SNAP91: variants seen among roughly 807,000 people sequenced by gnomAD.
SNAP91 encodes clathrin coat assembly protein AP180.
In SNAP91, 27 loss-of-function variants were observed where a neutral mutation model predicts 100.3. That is an observed-to-expected ratio of 0.27 (90% CI 0.20 to 0.37). SNAP91 has a LOEUF of 0.37. Ranked by LOEUF, SNAP91 falls within the 10% of genes least tolerant of loss-of-function variation. SNAP91 has a pLI of 1.00. For missense variants in SNAP91, 986 were observed against 1,123.7 expected, an observed-to-expected ratio of 0.88 and a Z score of 1.75; for synonymous variants, 404 against 398.6, an observed-to-expected ratio of 1.01 and a Z score of -0.16.
intron 2 of SNAP91, among the ~76,000 whole-genome samples, chr6:83,684,390 C>A (rs1042598415): frequency 5.3e-5 from 8 of 152,126 alleles, no homozygotes; most frequent in African/African-American, 1.9e-4. Context: ...AAACAAGAAC[C>A]CCCATGCTCT....
intron 26 of SNAP91, among the ~76,000 whole-genome samples, chr6:83,563,604 C>G (rs1204829764): frequency 2.0e-5 from 3 of 152,142 alleles, no homozygotes; most frequent in Admixed American, 2.0e-4. Context: ...ATACAGAAAT[C>G]CCTAAAGAAT....
intron 8 of SNAP91, among the ~76,000 whole-genome samples, chr6:83,630,775 TA>T (rs36034560): frequency 0.67 from 99,214 of 148,256 alleles, 33,585 homozygotes; most frequent in South Asian, 0.82. Flanking sequence ...AATTTTATCT[TA>T]AAAAAAAAAA....
rs564593511 is a variant in SNAP91 at position 83,673,639 on chromosome 6, C to T, written c.131-8058G>A. Among the ~76,000 whole-genome samples the T allele has an allele frequency of 1.1e-4, 17 of 152,266 alleles. No individual in the cohort carries two copies. The South Asian group carries it at 1.5e-3, about 13-fold the overall frequency. ...ATAAATTGTTGCTATCCAGACAATA[C>T]GAAAAAGTGATACAGATGATTCAGA... On this transcript the variant is annotated intron_variant, in intron 2 of 29. Coordinates refer to ENST00000369694, the MANE Select transcript of SNAP91 (RefSeq NM_001242792.2).
Position 83,707,671 on chromosome 6 carries a change from G to C in SNAP91, c.130+127C>G, listed in dbSNP as rs548569803. The C allele has an allele frequency of 7.0e-6, 9 of 1,291,422 alleles. No homozygotes were observed. In the East Asian group the frequency reaches 2.3e-4, roughly 33 times the overall value. The allele number at this position is 1,291,422 out of a possible 1,614,324, so 80.0% of individuals were successfully genotyped here. Reference sequence around the variant, plus strand: ...ACACCTTCACAGCTGAAGAATTTCAGCTCAGGGGCAACCTGGCTGGGAGTA... The same window carrying C: ...ACACCTTCACAGCTGAAGAATTTCACCTCAGGGGCAACCTGGCTGGGAGTA... On this transcript the variant is annotated intron_variant, in intron 2 of 29. Coordinates refer to ENST00000369694, the MANE Select transcript of SNAP91 (RefSeq NM_001242792.2).
chr6:83,707,416 G>C (rs1252872358), intron 2 of SNAP91, among the ~76,000 whole-genome samples: 3 of 149,454 alleles, frequency 2.0e-5, no homozygotes, highest in Non-Finnish European at 4.4e-5. Flanking sequence ...TTTTTTGACT[G>C]TGCAACCTCT....
intron 9 of SNAP91, among the ~76,000 whole-genome samples, chr6:83,617,637 C>A (rs1162188494): frequency 1.3e-5 from 2 of 150,862 alleles, no homozygotes; most frequent in African/African-American, 4.9e-5. Context: ...TAACTTTTAG[C>A]AAATATAATA....
chr6:83,681,451 C>T (rs1250338466), intron 2 of SNAP91, among the ~76,000 whole-genome samples: 1 of 152,162 alleles, frequency 6.6e-6, no homozygotes. Flanking sequence ...CTACATTTCT[C>T]TTCAACTCTT....
At chr6:83,661,403 T>C (rs191675495) in intron 5 of SNAP91, 99 bp downstream of exon 5, 320 of 658,018 alleles carry the variant, frequency 4.9e-4, no homozygotes, top group Middle Eastern at 3.7e-3. Flanking sequence ...AACTGGGCCT[T>C]CAAGAAAATT....
chr6:83,684,267 A>G (rs552849559), intron 2 of SNAP91, among the ~76,000 whole-genome samples: 1 of 152,284 alleles, frequency 6.6e-6, no homozygotes, highest in South Asian at 2.1e-4. Flanking sequence ...CATGCTCTGA[A>G]TTCTATGGTT....
chr6:83,689,044 G>T (rs938397671), intron 2 of SNAP91, among the ~76,000 whole-genome samples: 4 of 152,172 alleles, frequency 2.6e-5, no homozygotes, highest in Admixed American at 2.0e-4. Flanking sequence ...GTGTTGCTTA[G>T]AAGTAGCAAG....
Position 83,560,928 on chromosome 6 carries a change from G to A in SNAP91, c.2462C>T (p.Thr821Ile), listed in dbSNP as rs747720489. Reference protein sequence around the residue: ...SAPLQGAVPPTSSVPPVAGAP... With the variant: ...SAPLQGAVPPISSVPPVAGAP... ...CCCGGCAACAGGAGGAACTGAACTG[G>A]TTGGAGGTACAGCTCCTTGCTACAC... The change falls in exon 27 of 30, where the codon ACC (threonine) becomes ATC (isoleucine). Residue 821 changes from threonine (T) to isoleucine (I), a missense_variant. By Grantham distance (89) the Thr-to-Ile change is moderately conservative (BLOSUM62 -1). This residue lies in a region of SNAP91 where 575 missense variants were observed against 579.9 expected (regional missense o/e 0.99). Coordinates refer to ENST00000369694, the MANE Select transcript of SNAP91 (RefSeq NM_001242792.2). 1 of 1,610,906 alleles carries A rather than the reference G, an allele frequency of 6.2e-7. No homozygotes were observed. Among genetic ancestry groups the A allele is most frequent in the South Asian group, 1.1e-5 (1 of 90,396 alleles).
rs57893971 is a variant in SNAP91 at position 83,628,222 on chromosome 6, C to CATATATATATATATATATATATATATAT, written c.766-4881_766-4880insATATATATATATATATATATATATATAT. On this transcript the variant is annotated intron_variant, in intron 8 of 29. Coordinates refer to ENST00000369694, the MANE Select transcript of SNAP91 (RefSeq NM_001242792.2). ...TATAGCTAAGTAATATTCCATTTTACATATATATATATATATATATATATC... is the reference window on the plus strand; with the variant it reads ...TATAGCTAAGTAATATTCCATTTTACATATATATATATATATATATATATATATATATATATATATATATATATATATC... 4.2e-3 allele frequency among the ~76,000 whole-genome samples: 522 copies of CATATATATATATATATATATATATATAT among 124,410 alleles called. 10 individuals are homozygous for CATATATATATATATATATATATATATAT. The highest frequency in any genetic ancestry group is 0.011 in the East Asian group (38 of 3,374). The allele number at this position is 124,410 out of a possible 152,430, so 81.6% of individuals were successfully genotyped here.
At chr6:83,602,294 G>GA (rs35110483) in intron 14 of SNAP91, among the ~76,000 whole-genome samples, 11 of 151,644 alleles carry the variant, frequency 7.3e-5, no homozygotes, top group East Asian at 1.9e-4. Flanking sequence ...ACACCAACAG[G>GA]AAAAAAAATG....
chr6:83,615,462 A>C (rs1217886200), intron 10 of SNAP91, among the ~76,000 whole-genome samples: 1 of 152,182 alleles, frequency 6.6e-6, no homozygotes, highest in East Asian at 1.9e-4. Flanking sequence ...AATCCTAGGC[A>C]ACTCATTTGG....
rs891887896 is a variant in SNAP91 at position 83,647,136 on chromosome 6, G to A, written c.659-5934C>T. Among the ~76,000 whole-genome samples the A allele has an allele frequency of 1.1e-4, 16 of 151,674 alleles. No homozygotes were observed. The East Asian group carries it at 2.9e-3, about 28-fold the overall frequency. Reference sequence around the variant, plus strand: ...TACAATAGATGGTCATATAATCTGGGAACAAAGAAGTCTTATTGCTCCATC... The same window carrying A: ...TACAATAGATGGTCATATAATCTGGAAACAAAGAAGTCTTATTGCTCCATC... On this transcript the variant is annotated intron_variant, in intron 7 of 29. Coordinates refer to ENST00000369694, the MANE Select transcript of SNAP91 (RefSeq NM_001242792.2).
Position 83,553,707 on chromosome 6 carries a change from T to C in SNAP91, c.*589A>G, listed in dbSNP as rs900305420. 1 of 152,162 alleles carries C rather than the reference T, an allele frequency of 6.6e-6. No homozygotes were observed. The highest frequency in any genetic ancestry group is 6.6e-5 in the Admixed American group (1 of 15,260). 9.4% of individuals were successfully genotyped at this position (152,162 alleles called of 1,614,324 possible). On this transcript the variant is annotated 3_prime_UTR_variant, in exon 30 of 30. Coordinates refer to ENST00000369694, the MANE Select transcript of SNAP91 (RefSeq NM_001242792.2). ...TATGGACGTTAACCTTTATATTTTT[T>C]AAAATAAAATTTCTTAACATATACA...
chr6:83,626,465 C>T (rs1229160004), intron 8 of SNAP91, among the ~76,000 whole-genome samples: 2 of 152,062 alleles, frequency 1.3e-5, no homozygotes, highest in East Asian at 1.9e-4. Context: ...GCCATTTTAA[C>T]AATATTTATT....
At chr6:83,615,752 ATAT>A (rs962741954) in intron 10 of SNAP91, among the ~76,000 whole-genome samples, 11 of 152,350 alleles carry the variant, frequency 7.2e-5, no homozygotes, top group African/African-American at 2.2e-4. Flanking sequence ...ACTTGAAAAA[ATAT>A]TATAGAAATA....
intron 2 of SNAP91, among the ~76,000 whole-genome samples, chr6:83,703,978 T>A (rs1008555635): frequency 9.2e-5 from 14 of 152,214 alleles, no homozygotes; most frequent in African/African-American, 3.4e-4. Context: ...CTTTCCAATT[T>A]ACACCTGCAG....
Sources: allele counts gnomAD v4.1 joint callset (sites outside exome capture counted in the v4.1 genomes callset), GRCh38; gene constraint gnomAD v4.1.1; regional missense constraint gnomAD v4.1.1; transcripts MANE v1.5; gene names NCBI Gene and HGNC (gene_info 2026-07-23, HGNC 2026-07-21).